Variants in CR1 observed in about 807,000 individuals in gnomAD.
CR1 encodes complement receptor type 1.
A neutral mutation model predicts 187.3 loss-of-function variants in CR1; 116 were observed. The ratio of observed to expected loss-of-function variants is 0.62; its 90% CI spans 0.53 to 0.72. CR1 has a LOEUF of 0.72. Ranked by LOEUF, CR1 falls within the 30% of genes least tolerant of loss-of-function variation. The pLI is 0.00. For missense variants in CR1, 1,731 were observed against 2,110.7 expected (o/e 0.82, Z 3.52); for synonymous variants, 576 against 747.1 (o/e 0.77, Z 3.73).
intron 41 of CR1, 98 bp downstream of exon 41, chr1:207,616,900 G>A: frequency 6.6e-7 from 1 of 1,504,894 alleles, no homozygotes; most frequent in South Asian, 1.3e-5. Context: ...TGTGAAAATG[G>A]CTTTGCTGTA....
At chr1:207,615,107 C>T (rs1038526990) in intron 40 of CR1, among the ~76,000 whole-genome samples, 5 of 152,148 alleles carry the variant, frequency 3.3e-5, no homozygotes, top group African/African-American at 1.2e-4. Flanking sequence ...CCATGCCCAG[C>T]CAAATTTTTA....
intron 37 of CR1, among the ~76,000 whole-genome samples, 169 bp downstream of exon 37, chr1:207,609,857 C>A (rs1661870176): frequency 1.3e-5 from 2 of 152,202 alleles, no homozygotes; most frequent in African/African-American, 4.8e-5. Flanking sequence ...ATGGCTTATT[C>A]TCTCATCTAT....
intron 4 of CR1, among the ~76,000 whole-genome samples, chr1:207,515,186 C>T (rs920648906): frequency 5.8e-5 from 6 of 104,298 alleles, no homozygotes; most frequent in African/African-American, 9.8e-5. Flanking sequence ...TACATATATA[C>T]GTATATATAC....
chr1:207,519,307 A>G (rs1443624351), intron 4 of CR1, among the ~76,000 whole-genome samples: 1 of 151,860 alleles, frequency 6.6e-6, no homozygotes, highest in East Asian at 1.9e-4. Context: ...AATAATAAAA[A>G]TTAAAAATAA....
At chr1:207,625,871 A>G (rs1662463647) in intron 45 of CR1, among the ~76,000 whole-genome samples, 1 of 152,214 alleles carries the variant, frequency 6.6e-6, no homozygotes, top group Admixed American at 6.5e-5. Flanking sequence ...TATATTCTAC[A>G]TAGTGATGTT....
At chr1:207,638,842 C>A (rs967296743) in intron 46 of CR1, among the ~76,000 whole-genome samples, 1 of 152,212 alleles carries the variant, frequency 6.6e-6, no homozygotes, top group African/African-American at 2.4e-5. Flanking sequence ...GGGCCATATA[C>A]CCCTGTGGAG....
In CR1 at chr1:207,506,613, G is replaced by A. The variant is rs3991746; in HGVS notation, c.302-101G>A. On this transcript the variant is annotated intron_variant, in intron 2 of 46. Transcript: ENST00000367049. ...AAATCTGTGGAACCATCAGAACTGC[G>A]TGTGTTCCTCAGTAAGCTACAGGCA... is the stretch of plus-strand genomic sequence containing the variant. 670 of 926,992 alleles carry A rather than the reference G, an allele frequency of 7.2e-4. 5 individuals are homozygous for A. The highest frequency in any genetic ancestry group is 4.8e-3 in the African/African-American group (288 of 60,382). 57.4% of individuals were successfully genotyped at this position (926,992 alleles called of 1,614,324 possible).
intron 1 of CR1, among the ~76,000 whole-genome samples, chr1:207,505,176 T>A (rs777527413): frequency 1.3e-5 from 2 of 152,210 alleles, no homozygotes; most frequent in Non-Finnish European, 2.9e-5. Context: ...TTTATTAAGA[T>A]GGAATCTTGC....
At chr1:207,519,160 AT>A (rs1389852597) in intron 4 of CR1, among the ~76,000 whole-genome samples, 3 of 152,004 alleles carry the variant, frequency 2.0e-5, no homozygotes, top group Non-Finnish European at 4.4e-5. Flanking sequence ...TTTATATTAT[AT>A]GTGTTTTAAA....
intron 35 of CR1, among the ~76,000 whole-genome samples, chr1:207,600,378 T>A (rs145590193): frequency 1.3e-5 from 2 of 152,194 alleles, no homozygotes; most frequent in Admixed American, 1.3e-4. Context: ...CTTTGATTCT[T>A]GTGTGTTCAA....
At chr1:207,517,137 T>C (rs1229809438) in intron 4 of CR1, among the ~76,000 whole-genome samples, 3 of 152,164 alleles carry the variant, frequency 2.0e-5, no homozygotes, top group Admixed American at 6.6e-5. Flanking sequence ...ACTGCATGTA[T>C]TGAGATTATC....
At chr1:207,596,449 A>G (rs1005692714) in intron 35 of CR1, among the ~76,000 whole-genome samples, 1 of 152,104 alleles carries the variant, frequency 6.6e-6, no homozygotes, top group East Asian at 1.9e-4. Context: ...CCCTGTCTCT[A>G]CTAAAAAATA....
chr1:207,576,819 CA>C (rs554774694), intron 28 of CR1, among the ~76,000 whole-genome samples: 3 of 149,056 alleles, frequency 2.0e-5, no homozygotes, highest in South Asian at 2.1e-4. Flanking sequence ...GACCTTGTCT[CA>C]AAAAAAAATG....
intron 36 of CR1, among the ~76,000 whole-genome samples, chr1:207,608,684 T>A (rs752444669): frequency 1.3e-5 from 2 of 152,122 alleles, no homozygotes; most frequent in African/African-American, 4.8e-5. Flanking sequence ...TTGTAGGGGG[T>A]TATCTTTTAT....
At chr1:207,512,420 G>A (rs1424207488) in intron 4 of CR1, among the ~76,000 whole-genome samples, 2 of 152,172 alleles carry the variant, frequency 1.3e-5, no homozygotes, top group Non-Finnish European at 2.9e-5. Context: ...TGTATTTTAT[G>A]TGGAAAAAGA....
At chr1:207,622,559 G>T (rs568793868) in intron 44 of CR1, among the ~76,000 whole-genome samples, 1 of 152,092 alleles carries the variant, frequency 6.6e-6, no homozygotes. Flanking sequence ...GGGTAGCCTG[G>T]GTCTACTTAT....
In CR1 at chr1:207,578,003, C is replaced by G. The variant is rs1282898634; in HGVS notation, c.4736C>G (p.Ala1579Gly). Residue 1579 changes from alanine to glycine, a missense_variant, in exon 29 of 47, where the codon GCC becomes GGC. Physicochemically the swap from Ala to Gly is moderately conservative, Grantham distance 60 (BLOSUM62 0). Transcript: ENST00000367049. ...DDQVGIWSGP[A>G]PQCIIPNKCT... ...CAAGTGGGCATCTGGAGCGGCCCCG[C>G]CCCTCAGTGCATTATACCTAACAAA... 6.2e-7 allele frequency: 1 copy of G among 1,611,664 alleles called. No homozygotes were observed. The highest frequency in any genetic ancestry group is 8.5e-7 in the Non-Finnish European group (1 of 1,179,724).
intron 28 of CR1, among the ~76,000 whole-genome samples, chr1:207,576,178 G>T (rs977801017): frequency 2.0e-5 from 3 of 152,230 alleles, no homozygotes; most frequent in Non-Finnish European, 4.4e-5. Flanking sequence ...ATGAGCAATT[G>T]CAAGCTAACA....
Position 207,639,468 on chromosome 1 carries a change from T to C in CR1, c.*59T>C, listed in dbSNP as rs879662337. 2.3e-4 allele frequency: 349 copies of C among 1,505,226 alleles called. 1 individual carries two copies. The highest frequency in any genetic ancestry group is 3.4e-4 in the Admixed American group (18 of 53,400). The allele number at this position is 1,505,226 out of a possible 1,614,324, so 93.2% of individuals were successfully genotyped here. On this transcript the variant is annotated 3_prime_UTR_variant, in exon 47 of 47. Transcript: ENST00000367049. ...ACAATTTTGGTGGGAAAGGAGCCAA[T>C]TGATTTCAACAGAATCAGATCTGAG...
Sources: gnomAD v4.1 joint callset for allele counts (sites outside exome capture counted in the v4.1 genomes callset) on GRCh38, gnomAD v4.1.1 for gene constraint, MANE v1.5 for transcripts, NCBI Gene and HGNC (gene_info 2026-07-23, HGNC 2026-07-21) for gene names.